RABGEF1: variants seen among roughly 807,000 people sequenced by gnomAD.
RABGEF1 encodes the protein rab5 GDP/GTP exchange factor.
In RABGEF1, 26 loss-of-function variants were observed where a neutral mutation model predicts 57.3. That is an observed-to-expected ratio of 0.45 (90% CI 0.33 to 0.63). The LOEUF (loss-of-function observed/expected upper bound fraction) is 0.63. Ranked by LOEUF, RABGEF1 falls within the 20% of genes least tolerant of loss-of-function variation. RABGEF1 has a pLI of 0.02. For missense variants in RABGEF1, 464 were observed against 607.6 expected (o/e 0.76, Z 2.48); for synonymous variants, 185 against 210.7 (o/e 0.88, Z 1.06).
chr7:66,736,160 T>G (rs1005299867), upstream of RABGEF1, among the ~76,000 whole-genome samples: 1 of 152,186 alleles, frequency 6.6e-6, no homozygotes, highest in African/African-American at 2.4e-5. Flanking sequence ...CTGCCTTAGA[T>G]AGACTCAAGA....
intron 4 of RABGEF1, among the ~76,000 whole-genome samples, chr7:66,786,117 C>T (rs1217373148): frequency 1.3e-5 from 2 of 152,172 alleles, no homozygotes; most frequent in African/African-American, 2.4e-5. Context: ...GTGATCTGCT[C>T]TTGCCCACAT....
chr7:66,668,396 CCCA>C, the RABGEF1 span, among the ~76,000 whole-genome samples: 3 of 152,190 alleles, frequency 2.0e-5, no homozygotes, highest in Non-Finnish European at 2.9e-5. Flanking sequence ...CATGCCCAGC[CCCA>C]CTATCCTATT....
intron 1 of RABGEF1, among the ~76,000 whole-genome samples, chr7:66,698,630 C>T (rs1266484107): frequency 2.0e-5 from 3 of 152,154 alleles, no homozygotes; most frequent in African/African-American, 7.2e-5. Context: ...TGGCAGCTCT[C>T]CCCACTCCCT....
intron 4 of RABGEF1, among the ~76,000 whole-genome samples, chr7:66,785,857 G>A (rs28634091): frequency 0.1 from 15,706 of 150,618 alleles, 884 homozygotes; most frequent in Non-Finnish European, 0.11. Flanking sequence ...CTGGATGACA[G>A]AGCGAGACTC....
chr7:66,796,765 A>AT (rs1167396912), intron 5 of RABGEF1: 5 of 320,440 alleles, frequency 1.6e-5, no homozygotes, highest in Non-Finnish European at 2.4e-5. Flanking sequence ...TAATTTTTGT[A>AT]TTTTTATTAG....
intron 3 of RABGEF1, among the ~76,000 whole-genome samples, chr7:66,779,839 G>A (rs905337143): frequency 1.3e-5 from 2 of 151,992 alleles, no homozygotes; most frequent in Non-Finnish European, 2.9e-5. Context: ...AATCCCTATT[G>A]GCTGTTCAAA....
chr7:66,768,490 A>T (rs890445155), intron 1 of RABGEF1, among the ~76,000 whole-genome samples: 2 of 152,186 alleles, frequency 1.3e-5, no homozygotes, highest in Non-Finnish European at 2.9e-5. Context: ...CCCATTCTGT[A>T]GCTTGTCTTT....
chr7:66,778,717 A>G (rs1809145566), intron 3 of RABGEF1, among the ~76,000 whole-genome samples: 2 of 152,208 alleles, frequency 1.3e-5, no homozygotes, highest in South Asian at 4.1e-4. Flanking sequence ...AGAGTAGGGA[A>G]AAAAGGGCCC....
In RABGEF1 at chr7:66,761,620, G is replaced by C. The variant is rs117020682; in HGVS notation, c.-17-10263G>C. Reference sequence around the variant, plus strand: ...TGGAGGCTTCCTGACACCAGCATTCGTCCCTCAGAGTACAGAGCTGGACCC... The same window carrying C: ...TGGAGGCTTCCTGACACCAGCATTCCTCCCTCAGAGTACAGAGCTGGACCC... On this transcript the variant is annotated intron_variant, in intron 1 of 8. Coordinates refer to ENST00000284957, the MANE Select transcript of RABGEF1 (RefSeq NM_014504.3). Among the ~76,000 whole-genome samples, 387 of 152,224 alleles carry C rather than the reference G, an allele frequency of 2.5e-3. 11 individuals carry two copies. The East Asian group carries it at 0.065, about 25-fold the overall frequency.
intron 1 of RABGEF1, among the ~76,000 whole-genome samples, chr7:66,766,963 T>A (rs1289440310): frequency 6.6e-6 from 1 of 151,142 alleles, no homozygotes; most frequent in South Asian, 2.1e-4. Flanking sequence ...GTTCTGTACT[T>A]CTCCCTAATC....
At chr7:66,702,347 T>TGG (rs1554306667) in intron 1 of RABGEF1, among the ~76,000 whole-genome samples, 1 of 143,888 alleles carries the variant, frequency 6.9e-6, no homozygotes. Flanking sequence ...ATTGTTTTGT[T>TGG]TGTGTGTGTG....
chr7:66,668,546 G>A, the RABGEF1 span, among the ~76,000 whole-genome samples: 3 of 152,224 alleles, frequency 2.0e-5, no homozygotes, highest in African/African-American at 7.2e-5. Flanking sequence ...ACCCTCTGGA[G>A]AGGGGGGGAT....
the RABGEF1 span, among the ~76,000 whole-genome samples, chr7:66,655,507 C>A: frequency 6.6e-6 from 1 of 152,064 alleles, no homozygotes; most frequent in Non-Finnish European, 1.5e-5. Flanking sequence ...GAGCTACTTT[C>A]CCCCCCTAAA....
chr7:66,697,644 C>T (rs1337459552), intron 1 of RABGEF1, among the ~76,000 whole-genome samples: 1 of 152,108 alleles, frequency 6.6e-6, no homozygotes, highest in Non-Finnish European at 1.5e-5. Flanking sequence ...CTTGGCCTCA[C>T]CATTCACTGA....
intron 1 of RABGEF1, among the ~76,000 whole-genome samples, chr7:66,705,829 C>T (rs1562717173): frequency 6.8e-6 from 1 of 147,154 alleles, no homozygotes; most frequent in Non-Finnish European, 1.5e-5. Flanking sequence ...CCTGTCTCAG[C>T]CTCCTGAGTA....
chr7:66,766,664 C>CT lies in RABGEF1; in HGVS notation c.-17-5218dup, dbSNP rs1362664976. 1.1e-4 allele frequency among the ~76,000 whole-genome samples: 17 copies of CT among 152,172 alleles called. No homozygotes were observed. In the East Asian group the frequency reaches 3.1e-3, roughly 28 times the overall value. On this transcript the variant is annotated intron_variant, in intron 1 of 8. Coordinates refer to ENST00000284957, the MANE Select transcript of RABGEF1 (RefSeq NM_014504.3). The stretch of plus-strand genomic sequence containing the variant: ...TAAATAACTATTAAAGATCTGATCT[C>CT]TAAGGTAGATTACCACCCGTCGTCT...
upstream of RABGEF1, among the ~76,000 whole-genome samples, chr7:66,681,407 T>C (rs1345089491): frequency 2.6e-5 from 4 of 151,468 alleles, no homozygotes; most frequent in Admixed American, 1.3e-4. Flanking sequence ...TTTTTTTTTT[T>C]TTTCTTTTTG....
intron 1 of RABGEF1, among the ~76,000 whole-genome samples, chr7:66,749,867 G>T (rs944012479): frequency 6.6e-6 from 1 of 152,090 alleles, no homozygotes; most frequent in Admixed American, 6.6e-5. Context: ...CCAGCTACTC[G>T]GGAGGCTGAA....
upstream of RABGEF1, among the ~76,000 whole-genome samples, chr7:66,735,995 T>C (rs922628602): frequency 1.3e-5 from 2 of 151,966 alleles, no homozygotes; most frequent in African/African-American, 4.8e-5. Context: ...TATTATTGAG[T>C]AGAGGTGGTT....
Sources: allele counts gnomAD v4.1 joint callset (sites outside exome capture counted in the v4.1 genomes callset), GRCh38; gene constraint gnomAD v4.1.1; transcripts MANE v1.5; gene names NCBI Gene and HGNC (gene_info 2026-07-23, HGNC 2026-07-21).